The following NR2C2 variants were observed in gnomAD, a reference collection of about 807,000 sequenced individuals.
The protein encoded by NR2C2 is nuclear receptor subfamily 2 group C member 2.
In NR2C2, 6 loss-of-function variants were observed where a neutral mutation model predicts 62.9. The observed-to-expected ratio is 0.10, with a 90% CI of 0.05 to 0.19. The LOEUF is 0.19. Among genes scored for constraint, NR2C2 ranks in the 10% least tolerant of loss-of-function variants. The pLI is 1.00. For synonymous variants in NR2C2, 272 were observed against 273.8 expected (o/e 0.99, Z 0.07); for missense variants, 479 against 762.7 (o/e 0.63, Z 4.38).
intron 2 of NR2C2, among the ~76,000 whole-genome samples, chr3:15,008,077 C>T (rs956890445): frequency 6.6e-5 from 10 of 152,278 alleles, no homozygotes; most frequent in East Asian, 1.9e-4. Context: ...AACCCACACC[C>T]GCTCCAGCCA....
chr3:15,008,574 G>C (rs1201147317), intron 2 of NR2C2, among the ~76,000 whole-genome samples: 2 of 152,094 alleles, frequency 1.3e-5, no homozygotes, highest in Non-Finnish European at 2.9e-5. Context: ...TTATCCAGTG[G>C]CTGGTTTTTG....
intron 1 of NR2C2, among the ~76,000 whole-genome samples, chr3:14,969,147 TAAA>T (rs902448481): frequency 6.8e-6 from 1 of 146,864 alleles, no homozygotes; most frequent in African/African-American, 2.5e-5. Flanking sequence ...AATAATAAAT[TAAA>T]AAAAGAAAAA....
chr3:15,023,770 A>G (rs927597237), intron 6 of NR2C2, among the ~76,000 whole-genome samples: 2 of 152,190 alleles, frequency 1.3e-5, no homozygotes, highest in African/African-American at 4.8e-5. Context: ...AAGCAATCCA[A>G]AATGTATCAG....
At chr3:15,039,059 A>G in intron 12 of NR2C2, 63 bp from the exon 13 acceptor site, 1 of 1,176,844 alleles carries the variant, frequency 8.5e-7, no homozygotes, top group South Asian at 1.2e-5. Context: ...AGTACTAAGA[A>G]GTCTACAAGT....
intron 1 of NR2C2, among the ~76,000 whole-genome samples, chr3:15,002,475 A>C (rs1251705442): frequency 6.6e-5 from 10 of 151,724 alleles, no homozygotes; most frequent in Non-Finnish European, 1.5e-4. Flanking sequence ...TTGGTTTGCT[A>C]GAGTTTTGTA....
chr3:14,998,918 C>T (rs1167990941), intron 1 of NR2C2, among the ~76,000 whole-genome samples: 1 of 152,178 alleles, frequency 6.6e-6, no homozygotes, highest in Non-Finnish European at 1.5e-5. Flanking sequence ...AGGGAGATCA[C>T]TTGAGCCTGG....
chr3:15,015,318 C>G (rs1393344027), intron 3 of NR2C2, among the ~76,000 whole-genome samples: 1 of 152,164 alleles, frequency 6.6e-6, no homozygotes, highest in African/African-American at 2.4e-5. Context: ...ATATTGATAT[C>G]AGTTATAGTA....
At chr3:15,030,714 C>T (rs911839396) in intron 9 of NR2C2, among the ~76,000 whole-genome samples, 2 of 152,064 alleles carry the variant, frequency 1.3e-5, no homozygotes, top group Non-Finnish European at 2.9e-5. Flanking sequence ...TGTAGTCTCA[C>T]CTACTCAGGA....
intron 1 of NR2C2, among the ~76,000 whole-genome samples, chr3:14,984,872 T>TC (rs1255065940): frequency 3.3e-5 from 5 of 152,020 alleles, no homozygotes; most frequent in African/African-American, 1.2e-4. Flanking sequence ...TTTTCCAAAG[T>TC]CATTGTATGA....
At position 15,015,323 on chromosome 3, in the gene NR2C2, A is replaced by G. The variant is rs145632340; in HGVS notation, c.274-829A>G. Among the ~76,000 whole-genome samples, 81 of 152,374 alleles carry G rather than the reference A, an allele frequency of 5.3e-4. 1 individual carries two copies. The highest frequency in any genetic ancestry group is 9.4e-4 in the Non-Finnish European group (64 of 68,036). On this transcript the variant is annotated intron_variant, in intron 3 of 13. Coordinates refer to ENST00000425241, the MANE Select transcript of NR2C2 (RefSeq NM_001291694.2). ...TCACTTTCTTATATTGATATCAGTT[A>G]TAGTATTCTCCCAGATGAATTGCTG...
At position 15,048,952 on chromosome 3, in the gene NR2C2, T is replaced by C. The variant is rs1313416491; in HGVS notation, c.*5944T>C. The C allele has an allele frequency of 1.3e-5, 2 of 152,672 alleles. No homozygotes were observed. Among genetic ancestry groups the C allele is most frequent in the African/African-American group, 4.8e-5 (2 of 41,454 alleles). The allele number at this position is 152,672 out of a possible 1,614,324, so 9.5% of individuals were successfully genotyped here. On this transcript the variant is annotated 3_prime_UTR_variant, in exon 14 of 14. Transcript: ENST00000425241. ...CCCTTCACAATATAGAAAATATTGG[T>C]TTTGCCATTACATTTTAATGCCAGG...
At position 14,965,522 on chromosome 3, in the gene NR2C2, CAAAAAAAAAAAAAAA is replaced by C. The variant is rs545143806; in HGVS notation, c.-40+17626_-40+17640del. 1.1e-3 allele frequency among the ~76,000 whole-genome samples: 87 copies of C among 79,696 alleles called. 1 individual carries two copies. Among genetic ancestry groups the C allele is most frequent in the Non-Finnish European group, 2.4e-4 (9 of 37,972 alleles). The allele number at this position is 79,696 out of a possible 152,430, so 52.3% of individuals were successfully genotyped here. A position where few individuals can be genotyped will look rare whatever the true frequency, so the allele number is the denominator to read the frequency against. The stretch of plus-strand genomic sequence containing the variant: ...TTAGTACAACTGTTGTTTCCCATGG[CAAAAAAAAAAAAAAA>C]AAAAAAAAAGCATTTTTAGAGACTC... On this transcript the variant is annotated intron_variant, in intron 1 of 13. Transcript: ENST00000425241.
intron 1 of NR2C2, among the ~76,000 whole-genome samples, chr3:14,954,209 A>C (rs2039454364): frequency 6.6e-6 from 1 of 152,196 alleles, no homozygotes; most frequent in African/African-American, 2.4e-5. Flanking sequence ...TCAGCTTTTA[A>C]CTGGAAAGGC....
At position 15,028,670 on chromosome 3, in the gene NR2C2, G is replaced by C; in HGVS notation, c.883G>C (p.Asp295His). The C allele has an allele frequency of 6.2e-7, 1 of 1,614,164 alleles. No individual in the cohort carries two copies. Among genetic ancestry groups the C allele is most frequent in the East Asian group, 2.2e-5 (1 of 44,886 alleles). The change falls in exon 8 of 14, where the codon GAC (aspartate) becomes CAC (histidine). Residue 295 changes from aspartate (D) to histidine (H), a missense_variant. Physicochemically the swap from Asp to His is moderately conservative, Grantham distance 81. Transcript: ENST00000425241. ...ANLSESLNNG[D>H]TSEIQPEDQS... ...CCTAAGTGAATCTTTGAACAACGGT[G>C]ACACTTCAGAAATCCAGCCAGAGGA...
chr3:14,963,609 C>T (rs997968443), intron 1 of NR2C2, among the ~76,000 whole-genome samples: 1 of 151,744 alleles, frequency 6.6e-6, no homozygotes, highest in African/African-American at 2.4e-5. Context: ...GCTGGGACTA[C>T]AGGCACCCGC....
intron 1 of NR2C2, among the ~76,000 whole-genome samples, chr3:14,979,045 G>A (rs2040286713): frequency 6.6e-6 from 1 of 152,104 alleles, no homozygotes; most frequent in South Asian, 2.1e-4. Flanking sequence ...GTCATTTGGG[G>A]CTTTGTCCAT....
At chr3:14,970,172 C>T (rs2039994829) in intron 1 of NR2C2, among the ~76,000 whole-genome samples, 1 of 139,302 alleles carries the variant, frequency 7.2e-6, no homozygotes, top group African/African-American at 2.7e-5. Context: ...TTGATTTCTT[C>T]TGGTATTTAA....
chr3:15,021,018 C>T lies in NR2C2; in HGVS notation c.556+86C>T, dbSNP rs2041654572. On this transcript the variant is annotated intron_variant, in intron 5 of 13. Coordinates refer to ENST00000425241, the MANE Select transcript of NR2C2 (RefSeq NM_001291694.2). The stretch of plus-strand genomic sequence containing the variant: ...ATTAAATAAGGTTTCTATACCTGGC[C>T]TTAAAATACTTTAAGAAAAAAATAT... The T allele has an allele frequency of 5.4e-6, 7 of 1,297,176 alleles. No homozygotes were observed. In the South Asian group the frequency reaches 1.0e-4, roughly 19 times the overall value. 80.4% of individuals were successfully genotyped at this position (1,297,176 alleles called of 1,614,324 possible).
At chr3:14,968,980 CTGT>C (rs1290096521) in intron 1 of NR2C2, among the ~76,000 whole-genome samples, 1 of 124,214 alleles carries the variant, frequency 8.1e-6, no homozygotes, top group Non-Finnish European at 1.6e-5. Context: ...ACTCTGGGGA[CTGT>C]TGTGGGGTGG....
Sources: allele counts gnomAD v4.1 joint callset (sites outside exome capture counted in the v4.1 genomes callset), GRCh38; gene constraint gnomAD v4.1.1; transcripts MANE v1.5; gene names NCBI Gene and HGNC (gene_info 2026-07-23, HGNC 2026-07-21).